The following ZNF638 variants were observed in gnomAD, a reference collection of about 807,000 sequenced individuals.
ZNF638 encodes zinc finger protein 638.
Under a neutral mutation model 195.6 loss-of-function variants are expected in ZNF638, and 46 were observed. The ratio of observed to expected loss-of-function variants is 0.24; its 90% CI spans 0.19 to 0.30. The LOEUF is 0.30. Ranked by LOEUF, ZNF638 falls within the 10% of genes least tolerant of loss-of-function variation. ZNF638 has a pLI of 1.00. For missense variants in ZNF638, 2,440 were observed against 2,325.3 expected, an observed-to-expected ratio of 1.05 and a Z score of -1.01; for synonymous variants, 845 against 772.0, an observed-to-expected ratio of 1.09 and a Z score of -1.57.
chr2:71,343,744 A>G (rs896002826), intron 1 of ZNF638, among the ~76,000 whole-genome samples: 7 of 152,140 alleles, frequency 4.6e-5, no homozygotes, highest in African/African-American at 1.4e-4. Context: ...ACAGACTCTT[A>G]TAGTTTGAAT....
rs766788364 is a variant in ZNF638, at chr2:71,365,648, A to G, written c.1937A>G (p.Asp646Gly). ...SIRCKSKNLE[D>G]DTLSECKQVS... ...CGTTGTAAATCAAAGAATCTTGAAG[A>G]TGACACTTTGTCAGAATGTAAACAG... The change falls in exon 6 of 28, where the codon GAT becomes GGT. Residue 646 changes from aspartate to glycine, a missense_variant. Asp to Gly is a moderately conservative substitution (Grantham distance 94, BLOSUM62 -1). Around this residue, in one of 5 missense-constraint regions of ZNF638, gnomAD observed 1,883 missense variants for 1,739.1 expected, o/e 1.08. Transcript: ENST00000264447. The G allele has an allele frequency of 3.1e-6, 5 of 1,614,144 alleles. No homozygotes were observed. Among genetic ancestry groups the G allele is most frequent in the Non-Finnish European group, 4.2e-6 (5 of 1,179,980 alleles).
chr2:71,359,283 A>G (rs1005323728), intron 3 of ZNF638, among the ~76,000 whole-genome samples: 1 of 152,220 alleles, frequency 6.6e-6, no homozygotes, highest in African/African-American at 2.4e-5. Flanking sequence ...AAGGAAGCTG[A>G]TAGCATAATT....
At chr2:71,344,682 C>T (rs1177367382) in intron 1 of ZNF638, among the ~76,000 whole-genome samples, 6 of 151,824 alleles carry the variant, frequency 4.0e-5, no homozygotes, top group Admixed American at 3.9e-4. Context: ...AATTTTATTC[C>T]CTTGAATTGA....
Position 71,354,756 on chromosome 2 carries a change from A to G in ZNF638, c.1318-963A>G, listed in dbSNP as rs550143586. Among the ~76,000 whole-genome samples, 8 of 152,170 alleles carry G rather than the reference A, an allele frequency of 5.3e-5. No homozygotes were observed. The East Asian group carries it at 9.7e-4, about 18-fold the overall frequency. On this transcript the variant is annotated intron_variant, in intron 2 of 27. Coordinates refer to ENST00000264447, the MANE Select transcript of ZNF638 (RefSeq NM_014497.5). ...GTCTCAAAAAAAAAAGAAAAGAAAA[A>G]AAAAAAAGAAGCATTTCGTTAATTG...
chr2:71,368,646 A>T, intron 7 of ZNF638, 118 bp downstream of exon 7: 7 of 1,112,088 alleles, frequency 6.3e-6, no homozygotes, highest in Non-Finnish European at 9.0e-6. Context: ...TTTGAGAGTT[A>T]TATAAATGTC....
At chr2:71,426,112 A>C (rs1295370117) in intron 23 of ZNF638, among the ~76,000 whole-genome samples, 1 of 152,192 alleles carries the variant, frequency 6.6e-6, no homozygotes, top group Admixed American at 6.5e-5. Context: ...TAGATGTTTG[A>C]CATATGGAAC....
At chr2:71,338,130 T>G (rs1388776569) in intron 1 of ZNF638, among the ~76,000 whole-genome samples, 2 of 152,106 alleles carry the variant, frequency 1.3e-5, no homozygotes, top group African/African-American at 2.4e-5. Context: ...AGTGCTTGTT[T>G]CCCCCCACTC....
chr2:71,424,929 G>T (rs1433610414), intron 23 of ZNF638, among the ~76,000 whole-genome samples: 1 of 152,094 alleles, frequency 6.6e-6, no homozygotes, highest in Non-Finnish European at 1.5e-5. Context: ...TTTTCTTGAG[G>T]CGGGGGGAGC....
At chr2:71,393,787 A>T (rs1573109982) in intron 10 of ZNF638, 2 of 618,158 alleles carry the variant, frequency 3.2e-6, no homozygotes, top group South Asian at 3.8e-5. Flanking sequence ...CCCAGCCTCT[A>T]ATAACGTTAA....
At chr2:71,409,758 A>G (rs1201364077) in intron 20 of ZNF638, among the ~76,000 whole-genome samples, 1 of 152,120 alleles carries the variant, frequency 6.6e-6, no homozygotes, top group East Asian at 1.9e-4. Context: ...TTTCAGAGCT[A>G]TTCTTGTGAC....
At chr2:71,387,354 CT>C (rs1397468490) in intron 10 of ZNF638, among the ~76,000 whole-genome samples, 2 of 151,446 alleles carry the variant, frequency 1.3e-5, no homozygotes, top group Non-Finnish European at 1.5e-5. Flanking sequence ...AAATTAGCTA[CT>C]TTTTTTTTAC....
intron 17 of ZNF638, among the ~76,000 whole-genome samples, chr2:71,404,777 A>T (rs143003347): frequency 3.3e-5 from 5 of 152,252 alleles, no homozygotes; most frequent in Non-Finnish European, 7.4e-5. Context: ...TCTTTTGTAC[A>T]TACACGCTAC....
At chr2:71,369,769 A>T in intron 7 of ZNF638, 114 bp from the exon 8 acceptor site, 1 of 1,045,094 alleles carries the variant, frequency 9.6e-7, no homozygotes, top group South Asian at 1.8e-5. Flanking sequence ...AGCAACCATG[A>T]CTTGAGGTAG....
At chr2:71,338,440 A>G (rs1010066884) in intron 1 of ZNF638, among the ~76,000 whole-genome samples, 1 of 151,968 alleles carries the variant, frequency 6.6e-6, no homozygotes, top group Non-Finnish European at 1.5e-5. Context: ...CCTATTTCCT[A>G]TTTGTATTTC....
intron 25 of ZNF638, among the ~76,000 whole-genome samples, chr2:71,429,593 C>T (rs1291695532): frequency 1.3e-5 from 2 of 152,120 alleles, no homozygotes; most frequent in South Asian, 2.1e-4. Flanking sequence ...ACCTTGAAAT[C>T]TCTCTAGCTC....
intron 10 of ZNF638, among the ~76,000 whole-genome samples, chr2:71,392,812 C>A (rs1220150794): frequency 6.6e-6 from 1 of 152,122 alleles, no homozygotes; most frequent in African/African-American, 2.4e-5. Context: ...CAGGTGTTAA[C>A]CTTAGAGGAC....
chr2:71,395,012 G>A (rs2079863662), intron 10 of ZNF638, among the ~76,000 whole-genome samples: 1 of 152,128 alleles, frequency 6.6e-6, no homozygotes, highest in Non-Finnish European at 1.5e-5. Flanking sequence ...TACATAGTTG[G>A]GATGAGGTGA....
intron 11 of ZNF638, 38 bp from the exon 12 acceptor site, chr2:71,398,663 T>G: frequency 6.4e-7 from 1 of 1,550,712 alleles, no homozygotes; most frequent in South Asian, 1.1e-5. Flanking sequence ...TGATACTAGT[T>G]AAGTAAACCA....
chr2:71,341,809 C>G (rs2078766675), intron 1 of ZNF638: 1 of 152,116 alleles, frequency 6.6e-6, no homozygotes, highest in South Asian at 2.1e-4. Flanking sequence ...TTTATAATGG[C>G]TGTCTTAATT....
Sources: gnomAD v4.1 joint callset for allele counts (sites outside exome capture counted in the v4.1 genomes callset) on GRCh38, gnomAD v4.1.1 for gene constraint, gnomAD v4.1.1 regional missense constraint, MANE v1.5 for transcripts, NCBI Gene and HGNC (gene_info 2026-07-23, HGNC 2026-07-21) for gene names.